PPP1R9A: variants seen among roughly 807,000 people sequenced by gnomAD.
PPP1R9A encodes neurabin-1.
Under a neutral mutation model 141.9 loss-of-function variants are expected in PPP1R9A, and 59 were observed. The observed-to-expected ratio is 0.42, with a 90% confidence interval of 0.34 to 0.52. The LOEUF (loss-of-function observed/expected upper bound fraction) is 0.52. Ranked by LOEUF, PPP1R9A falls within the 20% of genes least tolerant of loss-of-function variation. PPP1R9A has a pLI of 0.10. For missense variants in PPP1R9A, 1,444 were observed against 1,611.9 expected (o/e 0.90, Z 1.78); for synonymous variants, 500 against 569.7 (o/e 0.88, Z 1.74).
At chr7:95,216,179 C>G (rs1426531355) in intron 7 of PPP1R9A, among the ~76,000 whole-genome samples, 1 of 152,150 alleles carries the variant, frequency 6.6e-6, no homozygotes, top group Non-Finnish European at 1.5e-5. Flanking sequence ...CCAGTTTCAG[C>G]TTTCTACATA....
At chr7:95,219,417 C>T (rs1413869072) in intron 7 of PPP1R9A, among the ~76,000 whole-genome samples, 1 of 152,096 alleles carries the variant, frequency 6.6e-6, no homozygotes, top group Non-Finnish European at 1.5e-5. Flanking sequence ...TCCTTCATTT[C>T]AACTTTGGTG....
intron 2 of PPP1R9A, among the ~76,000 whole-genome samples, chr7:94,955,751 C>T (rs1797010659): frequency 6.6e-6 from 1 of 152,122 alleles, no homozygotes; most frequent in South Asian, 2.1e-4. Context: ...ACTTGAATGA[C>T]TAAGTGTCAC....
chr7:95,127,392 A>G (rs1396199872), intron 4 of PPP1R9A, among the ~76,000 whole-genome samples: 2 of 152,052 alleles, frequency 1.3e-5, no homozygotes, highest in Non-Finnish European at 1.5e-5. Context: ...TCTTTTTCAC[A>G]TTGATCTCTG....
intron 4 of PPP1R9A, among the ~76,000 whole-genome samples, chr7:95,158,724 T>C (rs2152698940): frequency 6.6e-6 from 1 of 152,300 alleles, no homozygotes; most frequent in Non-Finnish European, 1.5e-5. Context: ...TATAAAGATA[T>C]CTCATTTAAG....
chr7:94,944,407 A>G (rs187975897), intron 2 of PPP1R9A, among the ~76,000 whole-genome samples: 212 of 152,012 alleles, frequency 1.4e-3, no homozygotes, highest in Non-Finnish European at 2.4e-3. Context: ...CTCACTAAAC[A>G]TTTAGCGAAG....
chr7:95,015,146 A>G (rs1257385241), intron 2 of PPP1R9A, among the ~76,000 whole-genome samples: 13 of 151,898 alleles, frequency 8.6e-5, no homozygotes, highest in Non-Finnish European at 1.8e-4. Context: ...TCATGTGAAA[A>G]TTTATAATGG....
intron 2 of PPP1R9A, among the ~76,000 whole-genome samples, chr7:95,064,171 G>A (rs554988886): frequency 6.6e-6 from 1 of 152,222 alleles, no homozygotes; most frequent in South Asian, 2.1e-4. Flanking sequence ...GCAAAATATG[G>A]CATTAGGTCC....
intron 2 of PPP1R9A, among the ~76,000 whole-genome samples, chr7:94,963,990 T>C (rs1001328235): frequency 6.6e-6 from 1 of 152,156 alleles, no homozygotes; most frequent in African/African-American, 2.4e-5. Flanking sequence ...ATATTCCAAC[T>C]GAAGAGGGTT....
At chr7:95,161,595 A>G (rs191207879) in intron 4 of PPP1R9A, among the ~76,000 whole-genome samples, 400 of 152,294 alleles carry the variant, frequency 2.6e-3, no homozygotes, top group Admixed American at 6.3e-3. Flanking sequence ...TACAATGCAA[A>G]TGCTGTGTAG....
intron 5 of PPP1R9A, among the ~76,000 whole-genome samples, chr7:95,189,912 TA>T (rs1835245660): frequency 6.6e-6 from 1 of 152,180 alleles, no homozygotes; most frequent in Admixed American, 6.5e-5. Flanking sequence ...TGTTTTTCTT[TA>T]TGGTATCTGT....
intron 2 of PPP1R9A, among the ~76,000 whole-genome samples, chr7:95,048,791 C>T (rs1179511791): frequency 6.6e-6 from 1 of 152,090 alleles, no homozygotes; most frequent in Non-Finnish European, 1.5e-5. Context: ...GTGATCTGCG[C>T]ACCTCAGCCT....
At chr7:95,121,046 A>G (rs562168423) in intron 4 of PPP1R9A, among the ~76,000 whole-genome samples, 2 of 152,308 alleles carry the variant, frequency 1.3e-5, no homozygotes, top group East Asian at 3.9e-4. Flanking sequence ...GAGTGGGCAG[A>G]TCTATCAGTC....
chr7:95,189,646 CG>C (rs2152826613), intron 5 of PPP1R9A, among the ~76,000 whole-genome samples: 1 of 151,710 alleles, frequency 6.6e-6, no homozygotes, highest in East Asian at 1.9e-4. Flanking sequence ...CCATTTTAGC[CG>C]GGATGGTCTC....
intron 2 of PPP1R9A, among the ~76,000 whole-genome samples, chr7:95,099,498 C>T (rs1818469733): frequency 6.6e-6 from 1 of 152,118 alleles, no homozygotes; most frequent in Non-Finnish European, 1.5e-5. Flanking sequence ...AAAACATGAA[C>T]ATCAGTGGAA....
intron 4 of PPP1R9A, among the ~76,000 whole-genome samples, chr7:95,134,966 T>C (rs768708914): frequency 7.9e-5 from 12 of 152,238 alleles, no homozygotes; most frequent in Non-Finnish European, 1.2e-4. Context: ...CTTTCGTTAT[T>C]TGGAAAAACA....
At chr7:95,065,103 T>G (rs1420602558) in intron 2 of PPP1R9A, among the ~76,000 whole-genome samples, 1 of 152,194 alleles carries the variant, frequency 6.6e-6, no homozygotes, top group Non-Finnish European at 1.5e-5. Context: ...TCTCACTCTG[T>G]CACTGAGGCT....
At chr7:95,203,481 GTATC>G (rs1790023270) in intron 6 of PPP1R9A, among the ~76,000 whole-genome samples, 180 bp from the exon 7 acceptor site, 1 of 152,040 alleles carries the variant, frequency 6.6e-6, no homozygotes, top group Non-Finnish European at 1.5e-5. Context: ...ACTTTATACT[GTATC>G]TATAATACTG....
chr7:95,177,140 G>A (rs1199895489), intron 5 of PPP1R9A, among the ~76,000 whole-genome samples: 1 of 152,036 alleles, frequency 6.6e-6, no homozygotes, highest in Non-Finnish European at 1.5e-5. Flanking sequence ...AACCTGTAAG[G>A]CAAAACCTAT....
At chr7:95,018,358 C>T (rs530894868) in intron 2 of PPP1R9A, 2 of 209,622 alleles carry the variant, frequency 9.5e-6, no homozygotes, top group South Asian at 2.2e-4. Context: ...CAGCAGAAAT[C>T]TGGGATATGT....
Sources: gnomAD v4.1 joint callset for allele counts (sites outside exome capture counted in the v4.1 genomes callset) on GRCh38, gnomAD v4.1.1 for gene constraint, MANE v1.5 for transcripts, NCBI Gene and HGNC (gene_info 2026-07-23, HGNC 2026-07-21) for gene names.